Variants in MICAL3 observed in about 807,000 individuals in gnomAD.
The protein encoded by MICAL3 is microtubule associated monooxygenase, calponin and LIM domain containing 3.
Under a neutral mutation model 207.4 loss-of-function variants are expected in MICAL3, and 62 were observed. That is an observed-to-expected ratio of 0.30 (90% confidence interval 0.24 to 0.37). The LOEUF (loss-of-function observed/expected upper bound fraction) is 0.37, where lower values mean the gene tolerates loss of function less well. Ranked by LOEUF, MICAL3 falls within the 10% of genes least tolerant of loss-of-function variation. MICAL3 has a pLI of 1.00. For missense variants in MICAL3, 2,368 were observed against 2,635.6 expected, an observed-to-expected ratio of 0.90 and a Z score of 2.22; for synonymous variants, 1,077 against 1,069.3, an observed-to-expected ratio of 1.01 and a Z score of -0.14.
At chr22:17,959,140 C>T (rs766803457) in intron 1 of MICAL3, among the ~76,000 whole-genome samples, 1 of 150,500 alleles carries the variant, frequency 6.6e-6, no homozygotes, top group African/African-American at 2.5e-5. Flanking sequence ...CTCAGCCTCC[C>T]GAGTAGCTGA....
At position 17,819,120 on chromosome 22, in the gene MICAL3, G is replaced by A. The variant is rs756464315; in HGVS notation, c.3541C>T (p.Leu1181Phe). The A allele has an allele frequency of 1.0e-5, 15 of 1,489,804 alleles. No homozygotes were observed. Among genetic ancestry groups the A allele is most frequent in the African/African-American group, 1.4e-5 (1 of 71,272 alleles). The allele number at this position is 1,489,804 out of a possible 1,614,324, so 92.3% of individuals were successfully genotyped here. Residue 1181 changes from leucine (L) to phenylalanine (F), a missense_variant, in exon 26 of 32, where the codon CTC (leucine) becomes TTC (phenylalanine). Leu to Phe is a conservative substitution (Grantham distance 22, BLOSUM62 0). Transcript: ENST00000441493. Reference sequence around the variant, plus strand: ...TGGGTGGCGGCAGGGACAGGTGGGAGTTGGGGCCCCTACAGGGAAGGAAGA... The same window carrying A: ...TGGGTGGCGGCAGGGACAGGTGGGAATTGGGGCCCCTACAGGGAAGGAAGA... ...VHSPSTEGPQ[L>F]PPVPAATQEK...
In MICAL3 at chr22:17,821,956, CT is replaced by C. The variant is rs1038572620; in HGVS notation, c.3448+73del. On this transcript the variant is annotated intron_variant, in intron 24 of 31. Coordinates refer to ENST00000441493, the MANE Select transcript of MICAL3 (RefSeq NM_015241.3). Reference sequence around the variant, plus strand: ...GGCTCTGCTCTGAAGCGCCTGGCCCCTGAGCCACTCTTGTGTGCATATGGCC... The same window carrying C: ...GGCTCTGCTCTGAAGCGCCTGGCCCCGAGCCACTCTTGTGTGCATATGGCC... 7 of 1,565,218 alleles carry C rather than the reference CT, an allele frequency of 4.5e-6. No individual in the cohort carries two copies. The Admixed American group carries it at 1.0e-4, about 23-fold the overall frequency.
At chr22:17,976,911 A>G (rs1038719063) in intron 1 of MICAL3, among the ~76,000 whole-genome samples, 2 of 150,190 alleles carry the variant, frequency 1.3e-5, no homozygotes, top group Non-Finnish European at 3.0e-5. Context: ...GGTTCACGCC[A>G]TTCTCCTGCC....
At chr22:17,966,878 A>AG (rs35292362) in intron 1 of MICAL3, among the ~76,000 whole-genome samples, 30,403 of 152,162 alleles carry the variant, frequency 0.2, 3,198 homozygotes, top group Middle Eastern at 0.27. Flanking sequence ...ATTGGAGGTT[A>AG]GGGTTATCTG....
Position 18,003,085 on chromosome 22 carries a change from G to A in MICAL3, c.-75+21196C>T, listed in dbSNP as rs540760931. ...TGAGGCAGGATAATGGTGTGAACTC[G>A]GGAGGCGGAGCTTTCAGTGAGCCAA... On this transcript the variant is annotated intron_variant, in intron 1 of 31. Coordinates refer to ENST00000441493, the MANE Select transcript of MICAL3 (RefSeq NM_015241.3). Among the ~76,000 whole-genome samples the A allele has an allele frequency of 6.6e-5, 10 of 151,752 alleles. No individual in the cohort carries two copies. In the South Asian group the frequency reaches 1.9e-3, roughly 29 times the overall value.
chr22:17,809,362 A>G (rs963779677), intron 28 of MICAL3, among the ~76,000 whole-genome samples: 1 of 152,342 alleles, frequency 6.6e-6, no homozygotes, highest in African/African-American at 2.4e-5. Flanking sequence ...AAGGCCAGGC[A>G]CGGTGGCTCA....
At chr22:17,953,369 AAAC>A (rs1460893104) in intron 1 of MICAL3, among the ~76,000 whole-genome samples, 2 of 152,168 alleles carry the variant, frequency 1.3e-5, no homozygotes, top group Admixed American at 1.3e-4. Context: ...CCCACCTCTG[AAAC>A]AACTTCCGGG....
At chr22:17,969,568 T>C (rs1935309248) in intron 1 of MICAL3, among the ~76,000 whole-genome samples, 1 of 152,182 alleles carries the variant, frequency 6.6e-6, no homozygotes, top group South Asian at 2.1e-4. Context: ...CCACCTTTAT[T>C]CCTTTTTTGG....
chr22:17,904,593 G>A (rs1931581593), intron 3 of MICAL3, 39 bp downstream of exon 3: 1 of 1,466,930 alleles, frequency 6.8e-7, no homozygotes, highest in African/African-American at 1.4e-5. Flanking sequence ...GCGTGCAAGG[G>A]GTAGGGTGGA....
At chr22:17,966,298 G>T (rs746514698) in intron 1 of MICAL3, among the ~76,000 whole-genome samples, 1 of 151,962 alleles carries the variant, frequency 6.6e-6, no homozygotes, top group African/African-American at 2.4e-5. Context: ...CCACTCCCTC[G>T]GGCCTGGGTG....
chr22:17,920,269 C>A (rs1252926994), intron 1 of MICAL3, among the ~76,000 whole-genome samples: 1 of 152,210 alleles, frequency 6.6e-6, no homozygotes, highest in Non-Finnish European at 1.5e-5. Context: ...CCCGTCATCT[C>A]CACCCATAGG....
In MICAL3 at chr22:17,817,636, C is replaced by T. The variant is rs767521599; in HGVS notation, c.5025G>A (p.Pro1675=). The T allele has an allele frequency of 1.8e-5, 29 of 1,612,808 alleles. No individual in the cohort carries two copies. The highest frequency in any genetic ancestry group is 4.0e-5 in the African/African-American group (3 of 74,920). ...HEATSEEVLS[P]PSDSGGPDGS... is the part of the protein sequence containing the mutation. ...CATCTGGGCCCCCTGAGTCCGACGG[C>T]GGGGAGAGGACCTCCTCGCTGGTGG... Residue 1675 remains proline, a synonymous_variant, in exon 26 of 32, where the codon CCG becomes CCA. Coordinates refer to ENST00000441493, the MANE Select transcript of MICAL3 (RefSeq NM_015241.3).
chr22:17,998,328 C>A (rs1021829449), intron 1 of MICAL3, among the ~76,000 whole-genome samples: 1 of 152,128 alleles, frequency 6.6e-6, no homozygotes, highest in Non-Finnish European at 1.5e-5. Context: ...GAAGAAGAAC[C>A]CAATTCAAAT....
chr22:17,913,803 C>A (rs529808451), intron 1 of MICAL3, among the ~76,000 whole-genome samples: 2 of 152,274 alleles, frequency 1.3e-5, no homozygotes, highest in African/African-American at 4.8e-5. Flanking sequence ...TCAGAAGTGA[C>A]CTGACCTCTG....
intron 11 of MICAL3, among the ~76,000 whole-genome samples, chr22:17,892,563 G>T (rs1031992907): frequency 2.6e-5 from 4 of 152,092 alleles, no homozygotes; most frequent in Non-Finnish European, 4.4e-5. Flanking sequence ...ACCACCTTCT[G>T]GTGCCATCTC....
chr22:17,869,236 G>A (rs1484533455), intron 17 of MICAL3, among the ~76,000 whole-genome samples: 4 of 152,148 alleles, frequency 2.6e-5, no homozygotes, highest in African/African-American at 4.8e-5. Flanking sequence ...CTGTCTGCAC[G>A]GCAGCGGCTA....
At chr22:17,884,512 T>C (rs1355824411) in intron 16 of MICAL3, among the ~76,000 whole-genome samples, 2 of 152,190 alleles carry the variant, frequency 1.3e-5, no homozygotes, top group African/African-American at 4.8e-5. Flanking sequence ...CTTAGAAAGT[T>C]ACACTTCTAA....
chr22:18,014,392 G>A (rs1331576496), intron 1 of MICAL3, among the ~76,000 whole-genome samples: 2 of 152,128 alleles, frequency 1.3e-5, no homozygotes, highest in East Asian at 3.9e-4. Context: ...TAGGCCATTC[G>A]ATCTGAAAAT....
intron 11 of MICAL3, among the ~76,000 whole-genome samples, chr22:17,892,914 T>G (rs1475487186): frequency 2.0e-5 from 3 of 152,130 alleles, no homozygotes; most frequent in Non-Finnish European, 4.4e-5. Context: ...GGTGATCAAT[T>G]GCCCCTGCCC....
Sources: gnomAD v4.1 joint callset for allele counts (sites outside exome capture counted in the v4.1 genomes callset) on GRCh38, gnomAD v4.1.1 for gene constraint, MANE v1.5 for transcripts, NCBI Gene and HGNC (gene_info 2026-07-23, HGNC 2026-07-21) for gene names.